PCDHGA4: variants seen among roughly 807,000 people sequenced by gnomAD.
PCDHGA4 encodes protocadherin gamma-A4.
Under a neutral mutation model 54.6 loss-of-function variants are expected in PCDHGA4, and 38 were observed. The observed-to-expected ratio is 0.70, with a 90% CI of 0.54 to 0.91. The LOEUF is 0.91. Ranked by LOEUF, PCDHGA4 falls within the 40% of genes least tolerant of loss-of-function variation. The probability of loss-of-function intolerance (pLI) is 0.00; values close to 1 mark genes in which losing one functional copy is unlikely to be tolerated. For synonymous variants in PCDHGA4, 511 were observed against 512.9 expected (o/e 1.00, Z 0.05); for missense variants, 1,298 against 1,220.9 (o/e 1.06, Z -0.94).
chr5:141,431,227 C>A lies in PCDHGA4; in HGVS notation c.2515-63580C>A, dbSNP rs759752051. On this transcript the variant is annotated intron_variant, in intron 1 of 3. Transcript: ENST00000571252. This position sits in a 1 kb window ranked among gnomAD's most constrained non-coding sequence, Gnocchi z 4.8. Reference sequence around the variant, plus strand: ...CTGAGATGCGGTTCCCTCTACCCCACGCCTGGGATCCGGATATCGGGAAGA... The same window carrying A: ...CTGAGATGCGGTTCCCTCTACCCCAAGCCTGGGATCCGGATATCGGGAAGA... 6.2e-7 allele frequency: 1 copy of A among 1,614,180 alleles called. No homozygotes were observed. The highest frequency in any genetic ancestry group is 8.5e-7 in the Non-Finnish European group (1 of 1,180,042).
rs570029585 is a variant in PCDHGA4 at position 141,389,223 on chromosome 5, G to A, written c.2514+31602G>A. On this transcript the variant is annotated intron_variant, in intron 1 of 3. Coordinates refer to ENST00000571252, the MANE Select transcript of PCDHGA4 (RefSeq NM_018917.4). ...GCACATTGGTGATGTAAATGACAAC[G>A]CTCCGGTTTTCTCACAGTCTTCCTA... 5.0e-6 allele frequency: 8 copies of A among 1,613,994 alleles called. No homozygotes were observed. The African/African-American group carries it at 8.0e-5, about 16-fold the overall frequency.
rs754329108 is a variant in PCDHGA4 at position 141,408,309 on chromosome 5, C to T, written c.2514+50688C>T. 1.8e-5 allele frequency: 29 copies of T among 1,613,698 alleles called. No individual in the cohort carries two copies. The highest frequency in any genetic ancestry group is 2.0e-5 in the Non-Finnish European group (24 of 1,179,730). On this transcript the variant is annotated intron_variant, in intron 1 of 3. Transcript: ENST00000571252. ...ACCCTGAGTGAGCCGATCCGCTACT[C>T]GATTCCGGAGGAGCTGGCCAAGGGC...
At chr5:141,384,512 G>A (rs1780165876) in intron 1 of PCDHGA4, 1 of 1,614,062 alleles carries the variant, frequency 6.2e-7, no homozygotes, top group Admixed American at 1.7e-5. Context: ...CATGACAGCG[G>A]GGACCCGCCT....
rs1469460338 is a variant in PCDHGA4 at position 141,356,530 on chromosome 5, G to T, written c.1423G>T (p.Asp475Tyr). The change falls in exon 1 of 4, where the codon GAC becomes TAC. Residue 475 changes from aspartate to tyrosine, a missense_variant. Physicochemically the swap from Asp to Tyr is radical, Grantham distance 160. Coordinates refer to ENST00000571252, the MANE Select transcript of PCDHGA4 (RefSeq NM_018917.4). ...TETHISLQVM[D>Y]INDNPPTFPH... ...AACTCATATTTCACTGCAAGTGATGGACATCAATGACAACCCACCCACTTT... is the reference window on the plus strand; with the variant it reads ...AACTCATATTTCACTGCAAGTGATGTACATCAATGACAACCCACCCACTTT... 6.2e-7 allele frequency: 1 copy of T among 1,613,694 alleles called. No homozygotes were observed. Among genetic ancestry groups the T allele is most frequent in the East Asian group, 2.2e-5 (1 of 44,882 alleles).
intron 1 of PCDHGA4, chr5:141,371,776 T>C (rs1216205837): frequency 6.2e-7 from 1 of 1,613,882 alleles, no homozygotes; most frequent in Non-Finnish European, 8.5e-7. Flanking sequence ...ACCGTGCATG[T>C]AGCTGAGAAC....
intron 1 of PCDHGA4, chr5:141,372,593 C>G (rs748684942): frequency 6.2e-7 from 1 of 1,614,030 alleles, no homozygotes; most frequent in Non-Finnish European, 8.5e-7. Context: ...GTGTCTGCTT[C>G]AAGACTGTAC....
At chr5:141,457,432 C>G (rs982456249) in intron 1 of PCDHGA4, among the ~76,000 whole-genome samples, 1 of 152,172 alleles carries the variant, frequency 6.6e-6, no homozygotes, top group Non-Finnish European at 1.5e-5. Context: ...TCCCCCCCAC[C>G]AAGCTGCAGA....
rs925541311 is a variant in PCDHGA4 at position 141,431,452 on chromosome 5, G to C, written c.2515-63355G>C. 11 of 1,613,630 alleles carry C rather than the reference G, an allele frequency of 6.8e-6. No individual in the cohort carries two copies. The highest frequency in any genetic ancestry group is 9.3e-6 in the Non-Finnish European group (11 of 1,179,982). On this transcript the variant is annotated intron_variant, in intron 1 of 3. Transcript: ENST00000571252. The surrounding 1 kb of genome is among the most constrained non-coding windows in gnomAD (Gnocchi z 4.8). ...CAGGCACCGCGCGCATCCGCGTGAT[G>C]GTTCTGGATGCGAACGACAACGCAC...
At chr5:141,381,830 T>C (rs796824162) in intron 1 of PCDHGA4, among the ~76,000 whole-genome samples, 3 of 133,454 alleles carry the variant, frequency 2.2e-5, no homozygotes, top group African/African-American at 9.3e-5. Flanking sequence ...CTTCTTCTTT[T>C]TTTTTTTTTT....
chr5:141,418,299 G>C lies in PCDHGA4; in HGVS notation c.2514+60678G>C, dbSNP rs767901461. 5 of 1,614,046 alleles carry C rather than the reference G, an allele frequency of 3.1e-6. No individual in the cohort carries two copies. In the Admixed American group the frequency reaches 8.3e-5, roughly 27 times the overall value. On this transcript the variant is annotated intron_variant, in intron 1 of 3. Coordinates refer to ENST00000571252, the MANE Select transcript of PCDHGA4 (RefSeq NM_018917.4). ...AACTTAGAAATCAGTGAATCCGTCA[G>C]CCTGGGGATGGGAACAATTCTTGAG...
intron 1 of PCDHGA4, chr5:141,414,483 A>T (rs756254490): frequency 5.6e-6 from 9 of 1,613,826 alleles, no homozygotes; most frequent in Non-Finnish European, 6.8e-6. Flanking sequence ...GTCCTCCTCT[A>T]TCAACGGAAG....
intron 1 of PCDHGA4, among the ~76,000 whole-genome samples, chr5:141,481,193 A>G (rs749746998): frequency 1.3e-5 from 2 of 152,216 alleles, no homozygotes; most frequent in Admixed American, 6.5e-5. Context: ...GCCAGGCCCA[A>G]TTTTTTTAAA....
At chr5:141,375,266 G>A in intron 1 of PCDHGA4, 1 of 1,613,846 alleles carries the variant, frequency 6.2e-7, no homozygotes, top group Non-Finnish European at 8.5e-7. Flanking sequence ...ATTTGAATTG[G>A]AAAAATCAGT....
At chr5:141,369,362 A>C (rs1389904751) in intron 1 of PCDHGA4, among the ~76,000 whole-genome samples, 1 of 152,158 alleles carries the variant, frequency 6.6e-6, no homozygotes, top group African/African-American at 2.4e-5. Flanking sequence ...GTATGAAAAA[A>C]CATCCTTTGT....
chr5:141,389,845 C>T, intron 1 of PCDHGA4: 1 of 1,614,054 alleles, frequency 6.2e-7, no homozygotes. Context: ...CCACTCTCGG[C>T]CACTGCCACG....
intron 1 of PCDHGA4, chr5:141,393,417 A>G (rs2092754726): frequency 6.2e-6 from 10 of 1,614,032 alleles, no homozygotes; most frequent in Non-Finnish European, 8.5e-6. Flanking sequence ...CGCCCTGGAC[A>G]GGGAGGAAGA....
rs757019379 is a variant in PCDHGA4 at position 141,390,006 on chromosome 5, G to T, written c.2514+32385G>T. 4.5e-5 allele frequency: 73 copies of T among 1,613,888 alleles called. No individual in the cohort carries two copies. Among genetic ancestry groups the T allele is most frequent in the Admixed American group, 1.7e-5 (1 of 60,004 alleles). ...GCTCTTCCTCGTGGCCATGATTCTG[G>T]CCATTGCCTTGCGCCTGCGACGCTC... On this transcript the variant is annotated intron_variant, in intron 1 of 3. Transcript: ENST00000571252.
At chr5:141,389,341 CT>C in intron 1 of PCDHGA4, 1 of 1,614,016 alleles carries the variant, frequency 6.2e-7, no homozygotes, top group Admixed American at 1.7e-5. Flanking sequence ...GGCCAAGTCT[CT>C]TACTGCATCA....
chr5:141,385,020 C>T, intron 1 of PCDHGA4: 3 of 1,614,168 alleles, frequency 1.9e-6, no homozygotes, highest in Non-Finnish European at 2.5e-6. Flanking sequence ...TCCTAGCCTT[C>T]GTCCTCGTAC....
Sources: gnomAD v4.1 joint callset for allele counts (sites outside exome capture counted in the v4.1 genomes callset) on GRCh38, gnomAD v4.1.1 for gene constraint, Gnocchi (gnomAD v3.1) non-coding constraint, MANE v1.5 for transcripts, NCBI Gene and HGNC (gene_info 2026-07-23, HGNC 2026-07-21) for gene names.